TBXAS1: variants seen among roughly 807,000 people sequenced by gnomAD.
TBXAS1 encodes the protein thromboxane-A synthase.
TBXAS1 carries 48 observed loss-of-function variants against 60.7 expected under a neutral mutation model. The ratio of observed to expected loss-of-function variants is 0.79; its 90% CI spans 0.63 to 1.01. TBXAS1 has a LOEUF of 1.01. Ranked by LOEUF, TBXAS1 falls within the 50% of genes least tolerant of loss-of-function variation. The probability of loss-of-function intolerance (pLI) is 0.00; values close to 1 mark genes in which losing one functional copy is unlikely to be tolerated. For missense variants in TBXAS1, 685 were observed against 686.3 expected, an observed-to-expected ratio of 1.00 and a Z score of 0.02; for synonymous variants, 287 against 269.7, an observed-to-expected ratio of 1.06 and a Z score of -0.63.
At chr7:139,905,015 CTTTCTT>C (rs1584815163) in intron 3 of TBXAS1, among the ~76,000 whole-genome samples, 6 of 69,966 alleles carry the variant, frequency 8.6e-5, no homozygotes, top group East Asian at 6.5e-4. Flanking sequence ...CTCTTTCTTT[CTTTCTT>C]TCTTTCTTTC....
intron 5 of TBXAS1, among the ~76,000 whole-genome samples, chr7:139,947,461 C>A (rs1427244899): frequency 6.6e-6 from 1 of 152,072 alleles, no homozygotes; most frequent in Admixed American, 6.6e-5. Flanking sequence ...ATGCCTAATA[C>A]CTAGGTGATG....
intron 1 of TBXAS1, among the ~76,000 whole-genome samples, chr7:139,780,406 C>T (rs776441460): frequency 3.9e-5 from 6 of 152,236 alleles, no homozygotes; most frequent in Non-Finnish European, 8.8e-5. Context: ...TGTCTCTAGA[C>T]TGTAAGCTCA....
At chr7:139,785,487 G>GTTT (rs545988193) in intron 3 of TBXAS1, among the ~76,000 whole-genome samples, 9,711 of 150,422 alleles carry the variant, frequency 0.065, 1,050 homozygotes, top group African/African-American at 0.23. Flanking sequence ...TGTTGTTGTT[G>GTTT]TTTTTTGTGT....
chr7:139,906,547 T>C (rs1805095418), intron 3 of TBXAS1, among the ~76,000 whole-genome samples: 1 of 152,232 alleles, frequency 6.6e-6, no homozygotes, highest in East Asian at 1.9e-4. Flanking sequence ...TTTTGGGATC[T>C]CGTAGACTGA....
chr7:139,875,535 T>C (rs1802161074), intron 2 of TBXAS1, 50 bp from the exon 3 acceptor site: 3 of 1,506,784 alleles, frequency 2.0e-6, no homozygotes, highest in African/African-American at 1.4e-5. Context: ...GTTTGAATAA[T>C]TGGAATTTTG....
At chr7:139,893,163 A>G (rs1192542776) in intron 3 of TBXAS1, among the ~76,000 whole-genome samples, 1 of 152,086 alleles carries the variant, frequency 6.6e-6, no homozygotes, top group Non-Finnish European at 1.5e-5. Context: ...CATTCTTCCC[A>G]TGGCACTGGG....
intron 1 of TBXAS1, among the ~76,000 whole-genome samples, chr7:139,834,049 A>G (rs1798899232): frequency 6.6e-6 from 1 of 152,238 alleles, no homozygotes; most frequent in African/African-American, 2.4e-5. Flanking sequence ...AAGATCGACC[A>G]TATGATAGGC....
intron 3 of TBXAS1, among the ~76,000 whole-genome samples, chr7:139,881,823 T>A (rs1197687631): frequency 6.6e-6 from 1 of 151,816 alleles, no homozygotes; most frequent in Non-Finnish European, 1.5e-5. Context: ...GAGGGGGAGG[T>A]GTCTCATATG....
chr7:139,861,855 G>A (rs1029634961), intron 1 of TBXAS1, among the ~76,000 whole-genome samples: 1 of 152,190 alleles, frequency 6.6e-6, no homozygotes, highest in East Asian at 1.9e-4. Flanking sequence ...GGATCCAGGG[G>A]AATATTGGTT....
chr7:139,898,857 T>C (rs1459538786), intron 3 of TBXAS1, among the ~76,000 whole-genome samples: 1 of 152,126 alleles, frequency 6.6e-6, no homozygotes, highest in African/African-American at 2.4e-5. Flanking sequence ...TCAAGAAGGT[T>C]GATTTGCTCA....
intron 4 of TBXAS1, among the ~76,000 whole-genome samples, chr7:139,931,339 A>C (rs1040819179): frequency 2.0e-5 from 3 of 152,164 alleles, no homozygotes; most frequent in Admixed American, 6.5e-5. Context: ...GACAGACAGG[A>C]GCCTCGAAAG....
intron 11 of TBXAS1, chr7:140,016,436 G>T: frequency 3.4e-6 from 1 of 296,116 alleles, no homozygotes; most frequent in Middle Eastern, 4.0e-4. Flanking sequence ...AGCCCTGCAT[G>T]CAAGGAACAA....
chr7:140,007,022 G>A, intron 9 of TBXAS1, 69 bp from the exon 10 acceptor site: 3 of 1,440,582 alleles, frequency 2.1e-6, no homozygotes, highest in Non-Finnish European at 2.9e-6. Context: ...TGAAATTTAA[G>A]GAAAAGACAA....
intron 9 of TBXAS1, among the ~76,000 whole-genome samples, chr7:140,001,824 T>C (rs543235975): frequency 2.0e-5 from 3 of 152,378 alleles, no homozygotes; most frequent in African/African-American, 7.2e-5. Context: ...TGTTTTAGGT[T>C]GGTTGCAGCA....
At chr7:139,989,864 T>C (rs1014344020) in intron 9 of TBXAS1, among the ~76,000 whole-genome samples, 4 of 152,180 alleles carry the variant, frequency 2.6e-5, no homozygotes, top group African/African-American at 9.7e-5. Context: ...TCCCTGCCTG[T>C]CCTGCCTTAT....
intron 10 of TBXAS1, 74 bp downstream of exon 10, chr7:140,007,256 G>A: frequency 7.3e-7 from 1 of 1,373,120 alleles, no homozygotes. Context: ...TGCAGGTCAG[G>A]GCCCTCCTCC....
At chr7:139,893,325 G>GAC (rs71170920) in intron 3 of TBXAS1, among the ~76,000 whole-genome samples, 43,287 of 139,650 alleles carry the variant, frequency 0.31, 6,640 homozygotes, top group Non-Finnish European at 0.33. Context: ...CTATGGAATA[G>GAC]ACACACACAC....
intron 5 of TBXAS1, among the ~76,000 whole-genome samples, chr7:139,951,888 A>AGAGAG (rs1569518340): frequency 3.1e-5 from 1 of 32,064 alleles, no homozygotes; most frequent in African/African-American, 1.5e-4. Flanking sequence ...GGAAAGAAGG[A>AGAGAG]AGGAAGGAAG....
chr7:139,921,314 C>T lies in TBXAS1; in HGVS notation c.333+9993C>T, dbSNP rs1259240981. Among the ~76,000 whole-genome samples, 7 of 152,200 alleles carry T rather than the reference C, an allele frequency of 4.6e-5. No homozygotes were observed. In the East Asian group the frequency reaches 1.3e-3, roughly 29 times the overall value. On this transcript the variant is annotated intron_variant, in intron 4 of 12. Coordinates refer to ENST00000448866, the MANE Select transcript of TBXAS1 (RefSeq NM_001061.7). ...AGATTTCTCTTTTCCTGCTGTTGAA[C>T]TTCATGTAAATGTAAACTTACAGTA... is the stretch of plus-strand genomic sequence containing the variant.
Sources: gnomAD v4.1 joint callset for allele counts (sites outside exome capture counted in the v4.1 genomes callset) on GRCh38, gnomAD v4.1.1 for gene constraint, MANE v1.5 for transcripts, NCBI Gene and HGNC (gene_info 2026-07-23, HGNC 2026-07-21) for gene names.